Variants in SCAPER observed in about 807,000 individuals in gnomAD.
SCAPER encodes S phase cyclin A-associated protein in the endoplasmic reticulum.
SCAPER carries 98 observed loss-of-function variants against 182.2 expected under a neutral mutation model. The observed-to-expected ratio is 0.54, with a 90% CI of 0.46 to 0.64. The LOEUF (loss-of-function observed/expected upper bound fraction) is 0.64, where lower values mean the gene tolerates loss of function less well. SCAPER is among the 30% of genes least tolerant of loss of function. The pLI, the probability that SCAPER is intolerant of heterozygous loss-of-function variation, is 0.00. For synonymous variants in SCAPER, 605 were observed against 564.6 expected (o/e 1.07, Z -1.01); for missense variants, 1,432 against 1,690.0 (o/e 0.85, Z 2.68).
intron 22 of SCAPER, among the ~76,000 whole-genome samples, chr15:76,599,501 C>A (rs2049760795): frequency 8.2e-6 from 1 of 121,434 alleles, no homozygotes; most frequent in Non-Finnish European, 2.0e-5. Context: ...GTGGAATACA[C>A]AAACAAATCA....
intron 22 of SCAPER, among the ~76,000 whole-genome samples, chr15:76,608,493 G>C (rs543443189): frequency 6.6e-6 from 1 of 152,160 alleles, no homozygotes; most frequent in African/African-American, 2.4e-5. Context: ...CAGTCTGCCC[G>C]TTCTCAGATC....
intron 21 of SCAPER, 62 bp from the exon 22 acceptor site, chr15:76,621,891 T>C: frequency 1.7e-6 from 2 of 1,206,336 alleles, no homozygotes; most frequent in East Asian, 2.5e-5. Context: ...TAAACCAAAA[T>C]GTTGGCTGTA....
At chr15:76,701,092 A>AC (rs1247028808) in intron 20 of SCAPER, among the ~76,000 whole-genome samples, 49 of 56,346 alleles carry the variant, frequency 8.7e-4, no homozygotes, top group African/African-American at 2.0e-3. Flanking sequence ...TGAATGCCAT[A>AC]CCTAAAAAAA....
At chr15:76,623,287 G>A (rs1470348717) in intron 21 of SCAPER, among the ~76,000 whole-genome samples, 1 of 152,134 alleles carries the variant, frequency 6.6e-6, no homozygotes, top group Non-Finnish European at 1.5e-5. Context: ...TACTACAATT[G>A]CTTTTGAGGA....
chr15:76,410,339 T>G (rs1345417540), intron 26 of SCAPER, among the ~76,000 whole-genome samples: 1 of 152,258 alleles, frequency 6.6e-6, no homozygotes, highest in Admixed American at 6.5e-5. Context: ...ATGCTGATGC[T>G]AACCTTAAGG....
At chr15:76,565,099 C>T (rs543794892) in intron 23 of SCAPER, among the ~76,000 whole-genome samples, 34 of 151,860 alleles carry the variant, frequency 2.2e-4, no homozygotes, top group African/African-American at 8.2e-4. Context: ...ATTCAGGACA[C>T]AGGCAAAGAT....
intron 2 of SCAPER, among the ~76,000 whole-genome samples, chr15:76,875,816 C>A (rs1179730504): frequency 6.6e-6 from 1 of 152,190 alleles, no homozygotes; most frequent in African/African-American, 2.4e-5. Context: ...CTCATAAAGG[C>A]AGTGTGGACC....
At chr15:76,749,027 C>T (rs1030004075) in intron 15 of SCAPER, among the ~76,000 whole-genome samples, 1 of 151,912 alleles carries the variant, frequency 6.6e-6, no homozygotes, top group East Asian at 1.9e-4. Context: ...ACAAAGCCAG[C>T]ATATCCTGTT....
intron 17 of SCAPER, among the ~76,000 whole-genome samples, chr15:76,712,485 G>T (rs1379377137): frequency 6.6e-6 from 1 of 152,176 alleles, no homozygotes; most frequent in Non-Finnish European, 1.5e-5. Flanking sequence ...AAAGTCATCG[G>T]TAGCTTGATG....
intron 24 of SCAPER, among the ~76,000 whole-genome samples, chr15:76,499,765 A>T (rs1280465167): frequency 6.6e-6 from 1 of 152,198 alleles, no homozygotes; most frequent in East Asian, 1.9e-4. Context: ...ACACAAAGTT[A>T]AGGAAAATGA....
chr15:76,778,665 GTA>G (rs1555595153), intron 8 of SCAPER, among the ~76,000 whole-genome samples: 2 of 148,870 alleles, frequency 1.3e-5, no homozygotes, highest in Admixed American at 1.3e-4. Flanking sequence ...GTGTGTGTGT[GTA>G]TGTATATACA....
intron 31 of SCAPER, chr15:76,350,395 T>TGTGTGTGA (rs1303795639): frequency 1.9e-4 from 28 of 151,288 alleles, no homozygotes; most frequent in African/African-American, 6.8e-4. Context: ...TGTGTGTGTG[T>TGTGTGTGA]GAAAGAGTCC....
intron 23 of SCAPER, among the ~76,000 whole-genome samples, chr15:76,561,675 A>G (rs1018176683): frequency 1.3e-5 from 2 of 151,908 alleles, no homozygotes; most frequent in African/African-American, 4.8e-5. Flanking sequence ...GAAATTATGC[A>G]TCTATACGGG....
intron 23 of SCAPER, among the ~76,000 whole-genome samples, chr15:76,554,031 AC>A (rs2045990836): frequency 6.6e-6 from 1 of 152,206 alleles, no homozygotes. Context: ...AGGAATGAAG[AC>A]CATCAAGATT....
In SCAPER at chr15:76,839,347, C is replaced by T. The variant is rs189667749; in HGVS notation, c.393+2387G>A. On this transcript the variant is annotated intron_variant, in intron 5 of 31. Coordinates refer to ENST00000563290, the MANE Select transcript of SCAPER (RefSeq NM_020843.4). ...ATTAACAAAACAATGGCTGAATCCA[C>T]GTACAAAATGAGGAAAAATTATTGC... Among the ~76,000 whole-genome samples the T allele has an allele frequency of 7.2e-5, 11 of 152,176 alleles. No individual in the cohort carries two copies. The East Asian group carries it at 1.4e-3, about 19-fold the overall frequency.
chr15:76,367,920 A>C (rs1051221634), intron 29 of SCAPER, among the ~76,000 whole-genome samples: 3 of 152,176 alleles, frequency 2.0e-5, no homozygotes, highest in Non-Finnish European at 4.4e-5. Flanking sequence ...TTTGGAAAAA[A>C]AAACCCACAT....
intron 29 of SCAPER, among the ~76,000 whole-genome samples, chr15:76,373,818 A>G (rs76850519): frequency 1.3e-5 from 2 of 152,046 alleles, no homozygotes; most frequent in Non-Finnish European, 1.5e-5. Flanking sequence ...ATCAACAATC[A>G]TCTAGGAAAT....
chr15:76,398,458 G>A (rs1346874388), intron 27 of SCAPER, among the ~76,000 whole-genome samples: 1 of 152,166 alleles, frequency 6.6e-6, no homozygotes, highest in Non-Finnish European at 1.5e-5. Context: ...TCCTAGCACA[G>A]GGCCTGGCAC....
chr15:76,536,490 A>G (rs2044172944), intron 23 of SCAPER, among the ~76,000 whole-genome samples: 1 of 152,218 alleles, frequency 6.6e-6, no homozygotes, highest in Non-Finnish European at 1.5e-5. Context: ...GTTAATGGTA[A>G]TGAGTTATGA....
Sources: allele counts gnomAD v4.1 joint callset (sites outside exome capture counted in the v4.1 genomes callset), GRCh38; gene constraint gnomAD v4.1.1; transcripts MANE v1.5; gene names NCBI Gene and HGNC (gene_info 2026-07-23, HGNC 2026-07-21).